The following PON3 variants were observed in gnomAD, a reference collection of about 807,000 sequenced individuals.
PON3 encodes the protein serum paraoxonase/lactonase 3.
Under a neutral mutation model 36.3 loss-of-function variants are expected in PON3, and 37 were observed. That is an observed-to-expected ratio of 1.02 (90% CI 0.78 to 1.34). The LOEUF (loss-of-function observed/expected upper bound fraction) is 1.34, where lower values mean the gene tolerates loss of function less well. Ranked by LOEUF, PON3 falls within the 40% of genes most tolerant of loss-of-function variation. The pLI is 0.00. For missense variants in PON3, 415 were observed against 426.5 expected (o/e 0.97, Z 0.24); for synonymous variants, 155 against 154.8 (o/e 1.00, Z -0.01).
chr7:95,367,404 G>A lies in PON3; in HGVS notation c.452C>T (p.Ser151Phe), dbSNP rs1168195715. ...EIFKFEEQQR[S>F]LVYLKTIKHE... ...TTTTATAGTTTTCAGGTATACCAGA[G>A]AACGTTGTTGTTCCTCAAATTTAAA... The change falls in exon 5 of 9, where the codon TCT becomes TTT. Residue 151 changes from serine (S) to phenylalanine (F), a missense_variant. Ser to Phe is a radical substitution (Grantham distance 155). Coordinates refer to ENST00000265627, the MANE Select transcript of PON3 (RefSeq NM_000940.3). The A allele has an allele frequency of 2.5e-6, 4 of 1,613,036 alleles. No homozygotes were observed. Among genetic ancestry groups the A allele is most frequent in the Non-Finnish European group, 3.4e-6 (4 of 1,179,344 alleles).
In PON3 at chr7:95,367,358, A is replaced by T. The variant is rs2116382740; in HGVS notation, c.494+4T>A. 6.2e-7 allele frequency: 1 copy of T among 1,611,800 alleles called. No homozygotes were observed. The highest frequency in any genetic ancestry group is 8.5e-7 in the Non-Finnish European group (1 of 1,179,638). On this transcript the variant is annotated splice_donor_region_variant and intron_variant, in intron 5 of 8. Coordinates refer to ENST00000265627, the MANE Select transcript of PON3 (RefSeq NM_000940.3). ...TAGAACCGCACAATACTTTCATTCC[A>T]TACCTTTTGAGAAGTTCATGTTTTA...
intron 5 of PON3, 147 bp downstream of exon 5, chr7:95,367,215 G>T: frequency 1.0e-6 from 1 of 966,054 alleles, no homozygotes; most frequent in Non-Finnish European, 1.5e-6. Flanking sequence ...GCTGGGAAGA[G>T]TCACCATGGG....
intron 5 of PON3, chr7:95,365,810 G>A (rs183911368): frequency 3.5e-4 from 53 of 152,214 alleles, no homozygotes; most frequent in African/African-American, 1.3e-3. Context: ...GGCATTCCTT[G>A]GCTTGTAGAT....
chr7:95,371,318 A>G (rs746181683), intron 4 of PON3, among the ~76,000 whole-genome samples: 2 of 149,450 alleles, frequency 1.3e-5, no homozygotes, highest in African/African-American at 5.2e-5. Flanking sequence ...ACCAAGGTGC[A>G]GAGTTGCTGG....
intron 2 of PON3, among the ~76,000 whole-genome samples, chr7:95,393,093 T>C (rs1048663387): frequency 3.9e-5 from 6 of 152,212 alleles, no homozygotes; most frequent in Non-Finnish European, 5.9e-5. Context: ...AAGGTTCAGA[T>C]TACTTTATTT....
chr7:95,393,195 A>C (rs1021519061), intron 2 of PON3, among the ~76,000 whole-genome samples: 1 of 152,264 alleles, frequency 6.6e-6, no homozygotes, highest in Non-Finnish European at 1.5e-5. Flanking sequence ...ATAGAAAATC[A>C]TATCCCAAAA....
intron 3 of PON3, among the ~76,000 whole-genome samples, chr7:95,375,825 G>T (rs896677458): frequency 3.9e-5 from 6 of 152,202 alleles, no homozygotes; most frequent in African/African-American, 1.4e-4. Context: ...ATGACTGTAA[G>T]CAATTCTTTT....
intron 1 of PON3, chr7:95,395,867 AAT>A (rs1369135430): frequency 6.5e-5 from 19 of 292,430 alleles, no homozygotes; most frequent in Non-Finnish European, 1.2e-4. Context: ...AGACCTGGGC[AAT>A]GTCTCAGTCA....
At position 95,362,857 on chromosome 7, in the gene PON3, C is replaced by T; in HGVS notation, c.696-16G>A. 1 of 1,574,024 alleles carries T rather than the reference C, an allele frequency of 6.4e-7. No homozygotes were observed. The highest frequency in any genetic ancestry group is 8.7e-7 in the Non-Finnish European group (1 of 1,144,186). ...ATAGACATACCTTTGAAGTAAATGA[C>T]ATTTACACTTAAGCAAGTGGTAATG... On this transcript the variant is annotated splice_polypyrimidine_tract_variant and intron_variant, in intron 6 of 8. Transcript: ENST00000265627.
intron 1 of PON3, 188 bp downstream of exon 1, chr7:95,396,089 T>C: frequency 1.5e-6 from 1 of 681,478 alleles, no homozygotes; most frequent in Non-Finnish European, 2.7e-6. Context: ...CGGCAGTCTT[T>C]GGAAACGCAA....
chr7:95,388,263 G>A (rs191533851), intron 3 of PON3, among the ~76,000 whole-genome samples: 56 of 152,036 alleles, frequency 3.7e-4, no homozygotes, highest in South Asian at 1.5e-3. Flanking sequence ...AAAGAACCCC[G>A]TCAAAAAGTG....
At chr7:95,373,366 C>A (rs1018649439) in intron 3 of PON3, among the ~76,000 whole-genome samples, 5 of 152,154 alleles carry the variant, frequency 3.3e-5, no homozygotes, top group Admixed American at 1.3e-4. Flanking sequence ...CCAGCTATAT[C>A]TTCAAACTTT....
At chr7:95,385,878 A>G (rs2099758664) in intron 3 of PON3, among the ~76,000 whole-genome samples, 4 of 152,242 alleles carry the variant, frequency 2.6e-5, no homozygotes, top group Admixed American at 2.6e-4. Context: ...GACATCAAAG[A>G]CACAATGTAC....
intron 3 of PON3, among the ~76,000 whole-genome samples, chr7:95,386,435 A>G (rs923103495): frequency 2.0e-5 from 3 of 152,164 alleles, no homozygotes; most frequent in African/African-American, 7.2e-5. Context: ...AAACCAGGAA[A>G]AAGTTGAATC....
chr7:95,385,542 T>A (rs562546511), intron 3 of PON3, among the ~76,000 whole-genome samples: 1 of 152,128 alleles, frequency 6.6e-6, no homozygotes, highest in African/African-American at 2.4e-5. Flanking sequence ...TATCCAGGAC[T>A]TGAACTCAGC....
chr7:95,377,352 C>T (rs905531039), intron 3 of PON3, among the ~76,000 whole-genome samples: 1 of 152,198 alleles, frequency 6.6e-6, no homozygotes, highest in African/African-American at 2.4e-5. Context: ...CAAATCAGAA[C>T]AAAAGGCGGC....
intron 3 of PON3, among the ~76,000 whole-genome samples, chr7:95,378,345 G>A (rs911448583): frequency 1.3e-5 from 2 of 152,192 alleles, no homozygotes; most frequent in African/African-American, 2.4e-5. Flanking sequence ...ATATTATCCA[G>A]GAGAACTTCC....
chr7:95,393,102 T>A (rs190075405), intron 2 of PON3, among the ~76,000 whole-genome samples: 101 of 152,318 alleles, frequency 6.6e-4, no homozygotes, highest in African/African-American at 2.2e-3. Context: ...ATTACTTTAT[T>A]TTTTAGAAAT....
intron 3 of PON3, among the ~76,000 whole-genome samples, chr7:95,388,012 C>T (rs578237735): frequency 2.0e-5 from 3 of 152,038 alleles, no homozygotes; most frequent in Non-Finnish European, 4.4e-5. Context: ...AAATGTAAGA[C>T]CTAAAACCAT....
Sources: gnomAD v4.1 joint callset for allele counts (sites outside exome capture counted in the v4.1 genomes callset) on GRCh38, gnomAD v4.1.1 for gene constraint, MANE v1.5 for transcripts, NCBI Gene and HGNC (gene_info 2026-07-23, HGNC 2026-07-21) for gene names.